RIMS2: variants seen among roughly 807,000 people sequenced by gnomAD.
RIMS2 encodes regulating synaptic membrane exocytosis 2.
In RIMS2, 59 loss-of-function variants were observed where a neutral mutation model predicts 174.4. The observed-to-expected ratio is 0.34, with a 90% CI of 0.27 to 0.42. RIMS2 has a LOEUF of 0.42. Ranked by LOEUF, RIMS2 falls within the 10% of genes least tolerant of loss-of-function variation. RIMS2 has a pLI of 1.00. For missense variants in RIMS2, 1,620 were observed against 1,666.3 expected (o/e 0.97, Z 0.48); for synonymous variants, 606 against 572.5 (o/e 1.06, Z -0.84).
At chr8:103,565,656 G>T (rs1203547478) in intron 1 of RIMS2, among the ~76,000 whole-genome samples, 1 of 152,150 alleles carries the variant, frequency 6.6e-6, no homozygotes, top group Non-Finnish European at 1.5e-5. Context: ...AAGTTGAGAA[G>T]AATGAGATGT....
intron 14 of RIMS2, among the ~76,000 whole-genome samples, chr8:103,958,496 A>T (rs535478568): frequency 1.3e-5 from 2 of 152,262 alleles, no homozygotes; most frequent in Admixed American, 1.3e-4. Context: ...TGTAAAACAA[A>T]CTCTCGGGAC....
At chr8:103,612,236 A>G (rs1218735609) in intron 1 of RIMS2, among the ~76,000 whole-genome samples, 2 of 152,152 alleles carry the variant, frequency 1.3e-5, no homozygotes, top group South Asian at 2.1e-4. Flanking sequence ...AGCTATATTG[A>G]ATTCTCTGTC....
intron 2 of RIMS2, among the ~76,000 whole-genome samples, chr8:103,742,571 T>A (rs996549051): frequency 6.6e-6 from 1 of 152,150 alleles, no homozygotes; most frequent in Non-Finnish European, 1.5e-5. Context: ...AATAACCCTT[T>A]TTGTCATATA....
At chr8:103,934,066 A>G (rs2154533361) in intron 12 of RIMS2, among the ~76,000 whole-genome samples, 1 of 152,178 alleles carries the variant, frequency 6.6e-6, no homozygotes, top group African/African-American at 2.4e-5. Flanking sequence ...CTTTTTTTGT[A>G]TCTTGAAGTT....
At chr8:103,575,681 C>CATATATAT (rs199658419) in intron 1 of RIMS2, among the ~76,000 whole-genome samples, 252 of 141,880 alleles carry the variant, frequency 1.8e-3, no homozygotes, top group East Asian at 7.6e-3. Context: ...TACACACACA[C>CATATATAT]ACACATATAT....
At chr8:103,839,916 T>C (rs928240989) in intron 3 of RIMS2, among the ~76,000 whole-genome samples, 11 of 152,202 alleles carry the variant, frequency 7.2e-5, no homozygotes, top group Non-Finnish European at 1.5e-5. Context: ...TGAATTTTAA[T>C]CTCTATTTTT....
chr8:104,237,911 C>T (rs2099266973), intron 19 of RIMS2, among the ~76,000 whole-genome samples: 1 of 152,092 alleles, frequency 6.6e-6, no homozygotes, highest in African/African-American at 2.4e-5. Flanking sequence ...ACAGTGTCCC[C>T]ATATTGAGGT....
At chr8:103,683,739 C>A (rs1032396827) in intron 1 of RIMS2, among the ~76,000 whole-genome samples, 12 of 152,142 alleles carry the variant, frequency 7.9e-5, no homozygotes, top group Non-Finnish European at 1.2e-4. Flanking sequence ...CAAATTTCTA[C>A]ACTTGGAAAG....
At chr8:103,926,476 A>T in intron 10 of RIMS2, among the ~76,000 whole-genome samples, 1 of 151,492 alleles carries the variant, frequency 6.6e-6, no homozygotes, top group Non-Finnish European at 1.5e-5. Context: ...AGAGAGAGAG[A>T]TTGAGAGAGA....
intron 19 of RIMS2, among the ~76,000 whole-genome samples, chr8:104,164,603 A>G (rs932242548): frequency 6.6e-6 from 1 of 152,242 alleles, no homozygotes; most frequent in African/African-American, 2.4e-5. Flanking sequence ...CATATATACC[A>G]TGGAATATTA....
chr8:104,158,727 C>G (rs1244358822), intron 19 of RIMS2, among the ~76,000 whole-genome samples: 2 of 152,064 alleles, frequency 1.3e-5, no homozygotes, highest in African/African-American at 4.8e-5. Context: ...TATCCTTTGC[C>G]CACTTTCTGA....
intron 17 of RIMS2, among the ~76,000 whole-genome samples, chr8:103,992,315 G>A (rs1318790426): frequency 3.9e-5 from 5 of 129,812 alleles, no homozygotes; most frequent in African/African-American, 1.1e-4. Context: ...TAGTGGAAAC[G>A]GGGTTTCGCC....
intron 3 of RIMS2, among the ~76,000 whole-genome samples, chr8:103,838,102 A>G (rs976148733): frequency 1.3e-5 from 2 of 151,982 alleles, no homozygotes; most frequent in Non-Finnish European, 1.5e-5. Flanking sequence ...ACAAGCCATC[A>G]TGCCTGGCTA....
At chr8:103,634,450 ATT>A (rs1276657322) in intron 1 of RIMS2, among the ~76,000 whole-genome samples, 1 of 152,104 alleles carries the variant, frequency 6.6e-6, no homozygotes, top group Non-Finnish European at 1.5e-5. Context: ...TATGTGGTTG[ATT>A]TTAGAGTATG....
At chr8:103,662,646 CA>C (rs1345223686) in intron 1 of RIMS2, among the ~76,000 whole-genome samples, 1 of 151,980 alleles carries the variant, frequency 6.6e-6, no homozygotes, top group Non-Finnish European at 1.5e-5. Flanking sequence ...AGAAATGAAA[CA>C]CCTTTTCCCT....
At chr8:103,741,196 G>A (rs960587576) in intron 2 of RIMS2, among the ~76,000 whole-genome samples, 16 of 151,896 alleles carry the variant, frequency 1.1e-4, no homozygotes. Context: ...AAAAGGGACT[G>A]GTTTTCTTTC....
intron 2 of RIMS2, among the ~76,000 whole-genome samples, chr8:103,704,550 ATTC>A (rs1276548531): frequency 6.6e-6 from 1 of 152,010 alleles, no homozygotes; most frequent in Non-Finnish European, 1.5e-5. Context: ...ATTGGTATTA[ATTC>A]TTCTTTTAAA....
rs138297720 is a variant in RIMS2, at chr8:103,812,871, G to A, written c.698+46334G>A. 1.4e-3 allele frequency among the ~76,000 whole-genome samples: 208 copies of A among 152,270 alleles called. 1 individual carries two copies. The highest frequency in any genetic ancestry group is 4.7e-3 in the African/African-American group (195 of 41,564). ...TACATGAAGATACTATTTTCAAAAT[G>A]TTTGTTCTCTGGACTGTCTTTCTTA... On this transcript the variant is annotated intron_variant, in intron 3 of 23. Coordinates refer to ENST00000504942, the Ensembl canonical transcript of RIMS2.
At chr8:103,843,003 TTATAAG>T (rs2098949207) in intron 3 of RIMS2, among the ~76,000 whole-genome samples, 1 of 152,176 alleles carries the variant, frequency 6.6e-6, no homozygotes, top group Non-Finnish European at 1.5e-5. Context: ...TTTCCTCTTC[TTATAAG>T]TATACTAGTT....
Sources: allele counts gnomAD v4.1 joint callset (sites outside exome capture counted in the v4.1 genomes callset), GRCh38; gene constraint gnomAD v4.1.1; transcripts MANE v1.5; gene names NCBI Gene and HGNC (gene_info 2026-07-23, HGNC 2026-07-21).